The following RNF135 variants were observed in gnomAD, a reference collection of about 807,000 sequenced individuals.
RNF135 encodes the protein ring finger protein 135.
A neutral mutation model predicts 41.9 loss-of-function variants in RNF135; 46 were observed. The ratio of observed to expected loss-of-function variants is 1.10; its 90% CI spans 0.87 to 1.40. The LOEUF (loss-of-function observed/expected upper bound fraction) is 1.40. Among genes scored for constraint, RNF135 ranks in the 40% most tolerant of loss-of-function variants. The pLI is 0.00. For missense variants in RNF135, 539 were observed against 549.8 expected, an observed-to-expected ratio of 0.98 and a Z score of 0.20; for synonymous variants, 238 against 223.8, an observed-to-expected ratio of 1.06 and a Z score of -0.57.
rs1567750372 is a variant in RNF135, at chr17:30,997,331, T to C, written c.769T>C (p.Trp257Arg). The C allele has an allele frequency of 6.2e-7, 1 of 1,613,468 alleles. No individual in the cohort carries two copies. Among genetic ancestry groups the C allele is most frequent in the Admixed American group, 1.7e-5 (1 of 59,996 alleles). ...ALRRASRFAQ[W>R]AIHPTFNLKS... ...CAGGAGAGCTTCTCGGTTTGCTCAGTGTAAGTATGTGGTCCACTTTAAACA... is the reference window on the plus strand; with the variant it reads ...CAGGAGAGCTTCTCGGTTTGCTCAGCGTAAGTATGTGGTCCACTTTAAACA... The change falls in exon 4 of 5, where the codon TGG (tryptophan) becomes CGG (arginine). Residue 257 changes from tryptophan (W) to arginine (R), a missense_variant and splice_region_variant. Around this residue, in one of 2 missense-constraint regions of RNF135, gnomAD observed 262 missense variants for 336.9 expected, o/e 0.78. Transcript: ENST00000328381.
In RNF135 at chr17:30,984,621, C is replaced by T. The variant is rs763339124; in HGVS notation, c.377C>T (p.Ala126Val). The part of the protein sequence containing the change: ...PRRRPELQRV[A>V]VEKSITEVAQ... ...CTGAACTTTGCTATTTTGAAGGTGG[C>T]AGTAGAGAAGAGCATCACAGAAGTT... The change falls in exon 2 of 5, where the codon GCA (alanine) becomes GTA (valine). Residue 126 changes from alanine (A) to valine (V), a missense_variant. This residue lies in a region of RNF135 where 277 missense variants were observed against 212.8 expected (regional missense o/e 1.30). Coordinates refer to ENST00000328381, the MANE Select transcript of RNF135 (RefSeq NM_032322.4). 142 of 1,613,970 alleles carry T rather than the reference C, an allele frequency of 8.8e-5. No individual in the cohort carries two copies. The South Asian group carries it at 1.4e-3, about 16-fold the overall frequency.
intron 1 of RNF135, among the ~76,000 whole-genome samples, chr17:30,984,024 A>T (rs1351389621): frequency 2.0e-5 from 3 of 152,114 alleles, no homozygotes; most frequent in African/African-American, 7.2e-5. Flanking sequence ...GAGTTTTAGA[A>T]ATTCTCTGTA....
In RNF135 at chr17:30,987,861, A is replaced by T. The variant is rs1183883998; in HGVS notation, c.517-83A>T. 5 of 1,312,570 alleles carry T rather than the reference A, an allele frequency of 3.8e-6. No individual in the cohort carries two copies. In the African/African-American group the frequency reaches 4.5e-5, roughly 12 times the overall value. 81.3% of individuals were successfully genotyped at this position (1,312,570 alleles called of 1,614,324 possible). A position where few individuals can be genotyped will look rare whatever the true frequency, so the allele number is the denominator to read the frequency against. On this transcript the variant is annotated intron_variant, in intron 2 of 4. Transcript: ENST00000328381. ...CTGGGAATTAAATAGAAAATTATAGATGAATAGAAAAACTTGAATATAATA... is the reference window on the plus strand; with the variant it reads ...CTGGGAATTAAATAGAAAATTATAGTTGAATAGAAAAACTTGAATATAATA...
At chr17:30,975,589 A>G (rs1317572061) in intron 1 of RNF135, 2 of 838,996 alleles carry the variant, frequency 2.4e-6, no homozygotes, top group East Asian at 2.4e-5. Context: ...AGAACCACAG[A>G]GCAAAACTCA....
intron 1 of RNF135, among the ~76,000 whole-genome samples, chr17:30,979,396 G>T (rs1802151292): frequency 8.5e-6 from 1 of 117,830 alleles, no homozygotes; most frequent in African/African-American, 3.4e-5. Context: ...CGGACGGGGC[G>T]GCTGGCCGGG....
At chr17:30,982,618 T>G (rs1907236305) in intron 1 of RNF135, among the ~76,000 whole-genome samples, 1 of 152,184 alleles carries the variant, frequency 6.6e-6, no homozygotes, top group South Asian at 2.1e-4. Context: ...TGCTTTTTTG[T>G]GTAGTTGTTA....
upstream of RNF135, chr17:30,968,838 C>T (rs1429182161): frequency 6.6e-6 from 1 of 152,144 alleles, no homozygotes; most frequent in East Asian, 1.9e-4. Flanking sequence ...TCCAGGGAGG[C>T]TCAGGTCAAA....
chr17:30,992,718 T>C (rs1908070643), intron 3 of RNF135, among the ~76,000 whole-genome samples: 1 of 152,172 alleles, frequency 6.6e-6, no homozygotes, highest in African/African-American at 2.4e-5. Context: ...TAGTTCACCT[T>C]AGCTGCTTGA....
intron 1 of RNF135, chr17:30,973,225 G>T (rs576323112): frequency 2.7e-4 from 41 of 152,184 alleles, no homozygotes; most frequent in African/African-American, 9.6e-4. Flanking sequence ...TTTTGTTGTT[G>T]AGTTTTAGAG....
chr17:30,986,514 C>T (rs1048356430), intron 2 of RNF135, among the ~76,000 whole-genome samples: 2 of 152,138 alleles, frequency 1.3e-5, no homozygotes, highest in African/African-American at 4.8e-5. Flanking sequence ...GTTCTTTTGT[C>T]CACCATTGTG....
In RNF135 at chr17:30,983,393, G is replaced by A. The variant is rs1244583851; in HGVS notation, c.373-1224G>A. 1.0e-3 allele frequency among the ~76,000 whole-genome samples: 121 copies of A among 116,750 alleles called. 2 individuals carry two copies. Among genetic ancestry groups the A allele is most frequent in the African/African-American group, 3.2e-3 (103 of 31,956 alleles). The allele number at this position is 116,750 out of a possible 152,430, so 76.6% of individuals were successfully genotyped here. A position where few individuals can be genotyped will look rare whatever the true frequency, so the allele number is the denominator to read the frequency against. On this transcript the variant is annotated intron_variant, in intron 1 of 4. Transcript: ENST00000328381. ...TTTTGAGATGGAGTCTGGCCCTGTC[G>A]CCCAGGCTTGAATGCAGTGGCATGA...
chr17:30,973,204 GTTGT>G (rs905454647), intron 1 of RNF135: 6 of 152,030 alleles, frequency 3.9e-5, no homozygotes, highest in Non-Finnish European at 7.4e-5. Context: ...TTAAAATTGG[GTTGT>G]TTATCTTTTT....
intron 3 of RNF135, among the ~76,000 whole-genome samples, chr17:30,990,884 T>C (rs1044485670): frequency 6.6e-6 from 1 of 152,204 alleles, no homozygotes; most frequent in African/African-American, 2.4e-5. Context: ...TATGCCAACA[T>C]TTATTTACTC....
At chr17:30,990,909 G>T (rs1907939513) in intron 3 of RNF135, among the ~76,000 whole-genome samples, 1 of 152,122 alleles carries the variant, frequency 6.6e-6, no homozygotes, top group African/African-American at 2.4e-5. Context: ...CTCTGCAGAT[G>T]AATACGTGAT....
chr17:30,980,481 C>T (rs1315345508), intron 1 of RNF135, among the ~76,000 whole-genome samples: 16 of 124,530 alleles, frequency 1.3e-4, no homozygotes, highest in South Asian at 2.8e-4. Flanking sequence ...CCGGACGGGG[C>T]GGCTGGCCGG....
Position 30,999,363 on chromosome 17 carries a change from C to A in RNF135, c.*172C>A. ...TCCTGGTCTCAAGCAGTCCTCCCAC[C>A]TCAGCCTCCCAAGGTGCTGGGATTA... On this transcript the variant is annotated 3_prime_UTR_variant, in exon 5 of 5. Transcript: ENST00000328381. 1 of 694,412 alleles carries A rather than the reference C, an allele frequency of 1.4e-6. No individual in the cohort carries two copies. The highest frequency in any genetic ancestry group is 2.5e-6 in the Non-Finnish European group (1 of 403,582). 43.0% of individuals were successfully genotyped at this position (694,412 alleles called of 1,614,324 possible).
intron 1 of RNF135, chr17:30,975,337 T>C (rs973865545): frequency 2.9e-6 from 2 of 690,604 alleles, no homozygotes; most frequent in Non-Finnish European, 5.3e-6. Flanking sequence ...TAAAAAAATA[T>C]TGCTACTTAT....
intron 1 of RNF135, chr17:30,979,331 ACCT>A (rs1335300663): frequency 2.0e-5 from 2 of 100,634 alleles, no homozygotes; most frequent in Admixed American, 1.1e-4. Context: ...GGCGCCCCTC[ACCT>A]CCTGGATAGG....
At chr17:30,963,187 C>T in the RNF135 span, among the ~76,000 whole-genome samples, 1 of 144,730 alleles carries the variant, frequency 6.9e-6, no homozygotes, top group Non-Finnish European at 1.5e-5. Flanking sequence ...TGGCATACTA[C>T]ATCCACAGAC....
Sources: allele counts gnomAD v4.1 joint callset (sites outside exome capture counted in the v4.1 genomes callset), GRCh38; gene constraint gnomAD v4.1.1; regional missense constraint gnomAD v4.1.1; transcripts MANE v1.5; gene names NCBI Gene and HGNC (gene_info 2026-07-23, HGNC 2026-07-21).